NKAIN3: variants seen among roughly 807,000 people sequenced by gnomAD.
The protein encoded by NKAIN3 is sodium/potassium transporting ATPase interacting 3.
Under a neutral mutation model 30.2 loss-of-function variants are expected in NKAIN3, and 25 were observed. The ratio of observed to expected loss-of-function variants is 0.83; its 90% CI spans 0.60 to 1.16. NKAIN3 has a LOEUF of 1.16. Ranked by LOEUF, NKAIN3 falls within the 50% of genes most tolerant of loss-of-function variation. The pLI, the probability that NKAIN3 is intolerant of heterozygous loss-of-function variation, is 0.00. For synonymous variants in NKAIN3, 91 were observed against 89.6 expected, an observed-to-expected ratio of 1.02 and a Z score of -0.09; for missense variants, 225 against 254.1, an observed-to-expected ratio of 0.89 and a Z score of 0.78.
At chr8:62,568,950 T>A (rs1168435348) in intron 1 of NKAIN3, among the ~76,000 whole-genome samples, 1 of 152,214 alleles carries the variant, frequency 6.6e-6, no homozygotes. Flanking sequence ...ACTGAGCATG[T>A]GCAATTCCAC....
intron 1 of NKAIN3, among the ~76,000 whole-genome samples, chr8:62,444,771 G>C (rs1178787933): frequency 1.3e-5 from 2 of 152,012 alleles, no homozygotes; most frequent in Non-Finnish European, 2.9e-5. Context: ...TTCAGTTTAT[G>C]AAAAACCTCC....
At chr8:62,865,000 A>G (rs887962265) in intron 4 of NKAIN3, among the ~76,000 whole-genome samples, 2 of 152,188 alleles carry the variant, frequency 1.3e-5, no homozygotes, top group African/African-American at 2.4e-5. Context: ...AGACTATTCC[A>G]GAGACGAAGA....
At chr8:62,772,641 G>A (rs1296801973) in intron 4 of NKAIN3, among the ~76,000 whole-genome samples, 1 of 150,138 alleles carries the variant, frequency 6.7e-6, no homozygotes, top group Non-Finnish European at 1.5e-5. Context: ...TTTGAGAAAT[G>A]TCTGTTCATA....
intron 5 of NKAIN3, chr8:62,990,076 C>T (rs916228083): frequency 9.0e-6 from 6 of 664,568 alleles, no homozygotes; most frequent in Non-Finnish European, 1.3e-5. Context: ...TTTTATTACA[C>T]TTAATTTTGT....
chr8:62,597,207 T>C (rs1430272852), intron 3 of NKAIN3, among the ~76,000 whole-genome samples: 1 of 152,070 alleles, frequency 6.6e-6, no homozygotes, highest in African/African-American at 2.4e-5. Context: ...CTGTGACATA[T>C]AAAGAAAAGT....
rs199614506 is a variant in NKAIN3 at position 62,800,708 on chromosome 8, T to C, written c.471+53579T>C. ...AGTGACGCAGAAGACGGGTGATTTC[T>C]GCATTTCCATCTGAGGTACCGGGTT... On this transcript the variant is annotated intron_variant, in intron 4 of 6. Transcript: ENST00000623646. Among the ~76,000 whole-genome samples the C allele has an allele frequency of 3.3e-4, 51 of 152,240 alleles. No individual in the cohort carries two copies. The East Asian group carries it at 9.5e-3, about 28-fold the overall frequency.
chr8:62,321,773 A>G (rs557838426), intron 1 of NKAIN3, among the ~76,000 whole-genome samples: 1 of 152,064 alleles, frequency 6.6e-6, no homozygotes, highest in Non-Finnish European at 1.5e-5. Flanking sequence ...CTACTCAGGG[A>G]TCAGGGACCC....
Position 62,921,179 on chromosome 8 carries a change from A to G in NKAIN3, c.532+2666A>G, listed in dbSNP as rs1157529994. ...TTTTCCAAAACTTACACATAAAATA[A>G]GTAAACAATACTGGTATCTTTCCAA... On this transcript the variant is annotated intron_variant, in intron 5 of 6. Transcript: ENST00000623646. 2.0e-5 allele frequency among the ~76,000 whole-genome samples: 3 copies of G among 152,236 alleles called. No individual in the cohort carries two copies. The East Asian group carries it at 5.8e-4, about 29-fold the overall frequency.
At chr8:62,991,109 T>C (rs77226576) in intron 5 of NKAIN3, 11,299 of 152,294 alleles carry the variant, frequency 0.074, 675 homozygotes, top group East Asian at 0.3. Flanking sequence ...AGGTGAACAA[T>C]GTTCAGGGAA....
At chr8:62,986,864 C>A (rs1446518569), downstream of NKAIN3, among the ~76,000 whole-genome samples, 1 of 152,174 alleles carries the variant, frequency 6.6e-6, no homozygotes, top group Admixed American at 6.5e-5. Context: ...AATTTCTCAT[C>A]TTGGTATATA....
At chr8:62,764,545 G>T (rs2130623376) in intron 4 of NKAIN3, among the ~76,000 whole-genome samples, 1 of 152,096 alleles carries the variant, frequency 6.6e-6, no homozygotes, top group Admixed American at 6.5e-5. Context: ...AGTCACTCCA[G>T]CCTTGAACTC....
chr8:62,707,052 T>C (rs556662792), intron 3 of NKAIN3, among the ~76,000 whole-genome samples: 2 of 99,166 alleles, frequency 2.0e-5, no homozygotes, highest in African/African-American at 3.0e-5. Flanking sequence ...CCATCATACA[T>C]ACATACACAC....
chr8:62,423,341 C>A (rs541121012), intron 1 of NKAIN3, among the ~76,000 whole-genome samples: 9 of 151,532 alleles, frequency 5.9e-5, no homozygotes, highest in Non-Finnish European at 1.0e-4. Flanking sequence ...ATTTCCAAAC[C>A]GTGCTGTTTC....
chr8:62,816,224 G>A (rs550825695), intron 4 of NKAIN3, among the ~76,000 whole-genome samples: 2 of 152,274 alleles, frequency 1.3e-5, no homozygotes, highest in Admixed American at 1.3e-4. Flanking sequence ...AGTTGATTGG[G>A]TATGGTGCTT....
At chr8:62,278,552 C>T (rs558439036) in intron 1 of NKAIN3, among the ~76,000 whole-genome samples, 2 of 148,544 alleles carry the variant, frequency 1.3e-5, no homozygotes, top group South Asian at 2.2e-4. Flanking sequence ...TGACAGGCCC[C>T]GGTGTGTGAT....
chr8:62,600,459 G>A (rs1810955592), intron 3 of NKAIN3, among the ~76,000 whole-genome samples: 1 of 151,966 alleles, frequency 6.6e-6, no homozygotes, highest in South Asian at 2.1e-4. Flanking sequence ...TACCTCAGAG[G>A]TAGACATTAG....
chr8:62,599,678 A>G (rs1380615008), intron 3 of NKAIN3, among the ~76,000 whole-genome samples: 1 of 152,076 alleles, frequency 6.6e-6, no homozygotes, highest in Non-Finnish European at 1.5e-5. Context: ...TAAAAATATG[A>G]AAGAGTCCCT....
chr8:62,972,430 G>T lies in NKAIN3; in HGVS notation c.*7023G>T, dbSNP rs1470826859. On this transcript the variant is annotated 3_prime_UTR_variant, in exon 7 of 7. Transcript: ENST00000623646. ...TTTTAACCACCAGATTGAGTATGTT[G>T]ATACATCAAATGCCAGTCTTTTATC... Among the ~76,000 whole-genome samples the T allele has an allele frequency of 6.6e-6, 1 of 152,036 alleles. No homozygotes were observed. The highest frequency in any genetic ancestry group is 1.9e-4 in the East Asian group (1 of 5,200).
In NKAIN3 at chr8:62,584,960, A is replaced by G. The variant is rs187011211; in HGVS notation, c.193-4754A>G. 2.5e-3 allele frequency among the ~76,000 whole-genome samples: 381 copies of G among 152,336 alleles called. 3 individuals are homozygous for G. Among genetic ancestry groups the G allele is most frequent in the African/African-American group, 8.3e-3 (345 of 41,592 alleles). ...TCCTGTGTTCTAGGCCAATTCCTGT[A>G]TGTACAGACCATTAGATATGCTTAA... On this transcript the variant is annotated intron_variant, in intron 2 of 6. Transcript: ENST00000623646.
Sources: allele counts gnomAD v4.1 joint callset (sites outside exome capture counted in the v4.1 genomes callset), GRCh38; gene constraint gnomAD v4.1.1; transcripts MANE v1.5; gene names NCBI Gene and HGNC (gene_info 2026-07-23, HGNC 2026-07-21).